The following DACT2 variants were observed in gnomAD, a reference collection of about 807,000 sequenced individuals.
DACT2 encodes the protein dapper homolog 2.
Under a neutral mutation model 22.2 loss-of-function variants are expected in DACT2, and 20 were observed. The ratio of observed to expected loss-of-function variants is 0.90; its 90% CI spans 0.63 to 1.31. The LOEUF (loss-of-function observed/expected upper bound fraction) is 1.31. Among genes scored for constraint, DACT2 ranks in the 50% most tolerant of loss-of-function variants. The pLI, the probability that DACT2 is intolerant of heterozygous loss-of-function variation, is 0.00. For missense variants in DACT2, 1,048 were observed against 1,061.4 expected (o/e 0.99, Z 0.18); for synonymous variants, 463 against 479.8 (o/e 0.96, Z 0.46).
Position 168,308,817 on chromosome 6 carries a change from G to C in DACT2, c.940C>G (p.Leu314Val). Reference sequence around the variant, plus strand: ...ACCGGCCCAGTCTGGATGGTGTTCAGACCTGCGGGGCCCCTGGGGCTCTCC... The same window carrying C: ...ACCGGCCCAGTCTGGATGGTGTTCACACCTGCGGGGCCCCTGGGGCTCTCC... ...PRESPRGPAG[L>V]NTIQTGPVLE... is the part of the protein sequence containing the mutation. Residue 314 changes from leucine to valine, a missense_variant, in exon 4 of 4, where the codon CTG (leucine) becomes GTG (valine). By Grantham distance (32) the Leu-to-Val change is conservative (BLOSUM62 1). Transcript: ENST00000366795. 1 of 1,551,360 alleles carries C rather than the reference G, an allele frequency of 6.4e-7. No individual in the cohort carries two copies. The highest frequency in any genetic ancestry group is 8.7e-7 in the Non-Finnish European group (1 of 1,146,980).
At chr6:168,314,162 C>T (rs1419779522) in intron 1 of DACT2, among the ~76,000 whole-genome samples, 1 of 152,200 alleles carries the variant, frequency 6.6e-6, no homozygotes, top group Non-Finnish European at 1.5e-5. Context: ...AGCCCTAGAG[C>T]GTGATCTCCA....
At chr6:168,294,337 C>T (rs1778962173) in intron 4 of DACT2, 2 of 674,826 alleles carry the variant, frequency 3.0e-6, no homozygotes, top group Non-Finnish European at 5.4e-6. Flanking sequence ...CCACGCTTCT[C>T]CCCTCCTAGT....
downstream of DACT2, among the ~76,000 whole-genome samples, chr6:168,306,602 C>A (rs1779212308): frequency 6.9e-6 from 1 of 143,980 alleles, no homozygotes; most frequent in Non-Finnish European, 1.5e-5. Flanking sequence ...GTCACCAAAC[C>A]CAGCTATTTT....
Position 168,308,721 on chromosome 6 carries a change from G to C in DACT2, c.1036C>G (p.Pro346Ala). ...RLLHLWGRETPAKGSEGEQGP... is the reference protein window; with the variant it reads ...RLLHLWGRETAAKGSEGEQGP... ...TGTTCTCCCTCGCTACCCTTTGCTGGGGTCTCCCGGCCCCACAGATGCAGC... is the reference window on the plus strand; with the variant it reads ...TGTTCTCCCTCGCTACCCTTTGCTGCGGTCTCCCGGCCCCACAGATGCAGC... The change falls in exon 4 of 4, where the codon CCA becomes GCA. Residue 346 changes from proline (P) to alanine (A), a missense_variant. Transcript: ENST00000366795. 8 of 1,550,140 alleles carry C rather than the reference G, an allele frequency of 5.2e-6. No individual in the cohort carries two copies. In the African/African-American group the frequency reaches 8.2e-5, roughly 16 times the overall value.
chr6:168,305,725 C>A (rs532510257), downstream of DACT2, among the ~76,000 whole-genome samples: 1 of 152,200 alleles, frequency 6.6e-6, no homozygotes, highest in Non-Finnish European at 1.5e-5. Flanking sequence ...GGAGAAGCCA[C>A]GCTTCATTAT....
At chr6:168,313,290 G>A (rs992825996) in intron 1 of DACT2, among the ~76,000 whole-genome samples, 110 of 152,194 alleles carry the variant, frequency 7.2e-4, no homozygotes, top group African/African-American at 2.5e-3. Context: ...TGATCCGCCC[G>A]CCTCAGCCTC....
At position 168,293,869 on chromosome 6, in the gene DACT2, G is replaced by A. The variant is rs78779496; in HGVS notation, c.*25C>T. 5.0e-3 allele frequency: 3,544 copies of A among 703,220 alleles called. 13 individuals carry two copies. The highest frequency in any genetic ancestry group is 6.6e-3 in the Non-Finnish European group (2,557 of 385,054). The allele number at this position is 703,220 out of a possible 1,614,324, so 43.6% of individuals were successfully genotyped here. Reference sequence around the variant, plus strand: ...AGCCTGTGACTGGTCAGTCAATGCAGCCCCCAGCTTGGTGTAGTGCTCTGT... The same window carrying A: ...AGCCTGTGACTGGTCAGTCAATGCAACCCCCAGCTTGGTGTAGTGCTCTGT... On this transcript the variant is annotated 3_prime_UTR_variant, in exon 6 of 6. Transcript: ENST00000366796.
chr6:168,310,513 T>A, intron 2 of DACT2, 67 bp from the exon 3 acceptor site: 1 of 1,513,756 alleles, frequency 6.6e-7, no homozygotes, highest in Non-Finnish European at 8.8e-7. Flanking sequence ...CCTCTCCTCC[T>A]GAGCTTGTCA....
At chr6:168,302,808 G>C (rs1779133895), downstream of DACT2, among the ~76,000 whole-genome samples, 1 of 152,192 alleles carries the variant, frequency 6.6e-6, no homozygotes, top group African/African-American at 2.4e-5. Flanking sequence ...GCTTTCACCA[G>C]ACAAGCCCCC....
intron 1 of DACT2, 139 bp downstream of exon 1, chr6:168,319,249 T>G (rs909382209): frequency 9.8e-6 from 8 of 820,032 alleles, no homozygotes; most frequent in African/African-American, 3.6e-5. Context: ...GAGACCGAAC[T>G]GCATTCCATT....
intron 3 of DACT2, among the ~76,000 whole-genome samples, chr6:168,309,430 G>T (rs1779336716): frequency 6.6e-6 from 1 of 151,682 alleles, no homozygotes; most frequent in Non-Finnish European, 1.5e-5. Flanking sequence ...TGTAGACACA[G>T]GGTGCGGGGC....
chr6:168,293,807 GAGA>G (rs553566487), exon 6 of DACT2: 777 of 699,898 alleles, frequency 1.1e-3, no homozygotes, highest in Non-Finnish European at 1.6e-3. Context: ...ATGATATCGG[GAGA>G]AGAAGCTGGG....
chr6:168,319,600 C>T lies in DACT2; in HGVS notation c.34G>A (p.Gly12Ser), dbSNP rs767265343. The T allele has an allele frequency of 3.3e-4, 438 of 1,342,060 alleles. 2 individuals are homozygous for T. The African/African-American group carries it at 5.8e-3, about 18-fold the overall frequency. The allele number at this position is 1,342,060 out of a possible 1,614,324, so 83.1% of individuals were successfully genotyped here. Residue 12 changes from glycine (G) to serine (S), a missense_variant, in exon 1 of 4, where the codon GGC becomes AGC. By Grantham distance (56) the Gly-to-Ser change is moderately conservative. Transcript: ENST00000366795. The stretch of plus-strand genomic sequence containing the variant: ...GCGCCCAACCTACGGCGGTCCCAGC[C>T]CGCGGACCCCGGGGGTCCGCCCGGC... Reference protein sequence around the residue: ...WTPGGPPGSAGWDRRRLGARL... With the variant: ...WTPGGPPGSASWDRRRLGARL...
intron 1 of DACT2, among the ~76,000 whole-genome samples, chr6:168,315,874 T>A (rs9346687): frequency 6.6e-6 from 1 of 152,178 alleles, no homozygotes; most frequent in East Asian, 1.9e-4. Context: ...AGTGTGTAAC[T>A]GTTCCAGCAA....
In DACT2 at chr6:168,319,433, G is replaced by C. The variant is rs1186553415; in HGVS notation, c.201C>G (p.Pro67=). Residue 67 remains proline, a synonymous_variant, in exon 1 of 4, where the codon CCC becomes CCG. Coordinates refer to ENST00000366795, the MANE Select transcript of DACT2 (RefSeq NM_214462.5). The stretch of plus-strand genomic sequence containing the variant: ...CCAGCGCCGCCTCCAGCTGCTGCTC[G>C]GGGCCGTGGAGGCCGTGGGGGCCGC... ...APCGPHGLHG[P]EQQLEAALAA... 2.6e-5 allele frequency: 31 copies of C among 1,205,844 alleles called. No homozygotes were observed. Among genetic ancestry groups the C allele is most frequent in the African/African-American group, 1.1e-4 (7 of 63,136 alleles). The allele number at this position is 1,205,844 out of a possible 1,614,324, so 74.7% of individuals were successfully genotyped here. A position where few individuals can be genotyped will look rare whatever the true frequency, so the allele number is the denominator to read the frequency against.
chr6:168,306,296 GA>G (rs1371118134), downstream of DACT2, among the ~76,000 whole-genome samples: 1 of 152,108 alleles, frequency 6.6e-6, no homozygotes, highest in Non-Finnish European at 1.5e-5. Flanking sequence ...GCTGCTTTCT[GA>G]ATTGAAAATG....
chr6:168,305,196 C>T (rs1680790452), downstream of DACT2, among the ~76,000 whole-genome samples: 1 of 152,170 alleles, frequency 6.6e-6, no homozygotes, highest in Admixed American at 6.5e-5. Flanking sequence ...CTTCCTGCCC[C>T]CGATGCAACG....
intron 3 of DACT2, 85 bp downstream of exon 3, chr6:168,310,083 G>A (rs997977646): frequency 3.6e-5 from 54 of 1,507,418 alleles, no homozygotes; most frequent in Admixed American, 2.4e-4. Flanking sequence ...TAGGGTCCCC[G>A]GCTCTGCCCT....
In DACT2 at chr6:168,307,761, G is replaced by A. The variant is rs1044184740; in HGVS notation, c.1996C>T (p.His666Tyr). The A allele has an allele frequency of 3.9e-6, 6 of 1,547,000 alleles. No homozygotes were observed. In the African/African-American group the frequency reaches 4.1e-5, roughly 11 times the overall value. Residue 666 changes from histidine to tyrosine, a missense_variant, in exon 4 of 4, where the codon CAC becomes TAC. Coordinates refer to ENST00000366795, the MANE Select transcript of DACT2 (RefSeq NM_214462.5). The surrounding 1 kb of genome is among the most constrained non-coding windows in gnomAD (Gnocchi z 5.3). Reference protein sequence around the residue: ...YTRSDSEPSKHSAECDPRFPS... With the variant: ...YTRSDSEPSKYSAECDPRFPS... ...AACCGCGGGTCACACTCGGCCGAGTGCTTGGAGGGCTCTGAGTCGCTCCTG... is the reference window on the plus strand; with the variant it reads ...AACCGCGGGTCACACTCGGCCGAGTACTTGGAGGGCTCTGAGTCGCTCCTG...
Sources: gnomAD v4.1 joint callset for allele counts (sites outside exome capture counted in the v4.1 genomes callset) on GRCh38, gnomAD v4.1.1 for gene constraint, Gnocchi (gnomAD v3.1) non-coding constraint, MANE v1.5 for transcripts, NCBI Gene and HGNC (gene_info 2026-07-23, HGNC 2026-07-21) for gene names.